The following EOGT variants were observed in gnomAD, a reference collection of about 807,000 sequenced individuals.
The protein encoded by EOGT is EGF domain-specific O-linked N-acetylglucosamine transferase.
In EOGT, 55 loss-of-function variants were observed where a neutral mutation model predicts 70.5. The observed-to-expected ratio is 0.78, with a 90% CI of 0.63 to 0.98. The LOEUF is 0.98. Among genes scored for constraint, EOGT ranks in the 50% least tolerant of loss-of-function variants. EOGT has a pLI of 0.00. For missense variants in EOGT, 703 were observed against 641.9 expected, an observed-to-expected ratio of 1.10 and a Z score of -1.03; for synonymous variants, 246 against 217.1, an observed-to-expected ratio of 1.13 and a Z score of -1.17.
intron 14 of EOGT, among the ~76,000 whole-genome samples, chr3:68,986,021 A>C (rs1391171681): frequency 2.6e-5 from 4 of 152,156 alleles, no homozygotes; most frequent in Non-Finnish European, 5.9e-5. Context: ...CGAAGCCAGC[A>C]ACATGGCATC....
intron 8 of EOGT, 67 bp from the exon 9 acceptor site, chr3:69,001,781 CTT>C: frequency 9.1e-7 from 1 of 1,095,614 alleles, no homozygotes; most frequent in Non-Finnish European, 1.4e-6. Context: ...AACACTGTAA[CTT>C]AGGATCTGTT....
At chr3:68,997,600 C>A (rs1185825455) in intron 10 of EOGT, among the ~76,000 whole-genome samples, 1 of 152,110 alleles carries the variant, frequency 6.6e-6, no homozygotes, top group East Asian at 1.9e-4. Context: ...AACTCCTGGC[C>A]TCAAATGATC....
chr3:68,998,870 A>ACAG (rs2091226706), intron 9 of EOGT, among the ~76,000 whole-genome samples: 3 of 148,264 alleles, frequency 2.0e-5, no homozygotes, highest in Non-Finnish European at 3.0e-5. Context: ...AAAAAAATCA[A>ACAG]TTAAGAAACA....
Position 68,978,434 on chromosome 3 carries a change from A to G in EOGT, c.1336T>C (p.Tyr446His). The change falls in exon 17 of 18, where the codon TAC becomes CAC. Residue 446 changes from tyrosine to histidine, a missense_variant and splice_region_variant. Tyr to His is a moderately conservative substitution (Grantham distance 83, BLOSUM62 2). Coordinates refer to ENST00000383701, the MANE Select transcript of EOGT (RefSeq NM_001278689.2). ...TAACAGCGTTCATCTTCACAGTTGTACCTAAGGACACAAGGGTGTCACAAC... is the reference window on the plus strand; with the variant it reads ...TAACAGCGTTCATCTTCACAGTTGTGCCTAAGGACACAAGGGTGTCACAAC... Reference protein sequence around the residue: ...LPDWAAVFELYNCEDERCYLD... With the variant: ...LPDWAAVFELHNCEDERCYLD... 1.3e-6 allele frequency: 2 copies of G among 1,597,804 alleles called. No homozygotes were observed. Among genetic ancestry groups the G allele is most frequent in the African/African-American group, 1.3e-5 (1 of 74,088 alleles).
chr3:68,991,239 T>A (rs1171573312), intron 10 of EOGT, among the ~76,000 whole-genome samples: 1 of 152,236 alleles, frequency 6.6e-6, no homozygotes, highest in Non-Finnish European at 1.5e-5. Context: ...CTTCTTCCTA[T>A]ACTCATGTTG....
At chr3:68,987,352 C>T (rs1230389793) in intron 14 of EOGT, 93 bp downstream of exon 14, 1 of 957,970 alleles carries the variant, frequency 1.0e-6, no homozygotes. Flanking sequence ...AAGTTTTAAA[C>T]CAAAGCTTTT....
intron 8 of EOGT, among the ~76,000 whole-genome samples, chr3:69,003,233 A>G (rs1331252434): frequency 7.9e-5 from 12 of 152,146 alleles, no homozygotes; most frequent in Non-Finnish European, 4.4e-5. Flanking sequence ...CATGGTTGTG[A>G]TCATTGTGCC....
chr3:68,993,825 G>A (rs763960169), intron 10 of EOGT, among the ~76,000 whole-genome samples: 7 of 152,108 alleles, frequency 4.6e-5, no homozygotes, highest in Non-Finnish European at 1.0e-4. Flanking sequence ...TGGCAGCAAG[G>A]GAAAATGAGG....
At chr3:68,998,312 C>T (rs1356452767) in intron 9 of EOGT, among the ~76,000 whole-genome samples, 198 bp from the exon 10 acceptor site, 1 of 152,088 alleles carries the variant, frequency 6.6e-6, no homozygotes, top group African/African-American at 2.4e-5. Flanking sequence ...GCCTGGGTTT[C>T]AAAAGTCACT....
rs779261971 is a variant in EOGT, at chr3:69,005,220, C to A, written c.435G>T (p.Leu145=). Residue 145 remains leucine (L), a synonymous_variant, in exon 7 of 18, where the codon CTG becomes CTT. Coordinates refer to ENST00000383701, the MANE Select transcript of EOGT (RefSeq NM_001278689.2). ...AGTACTGAAGATAACGGGAACACAC[C>A]AGACTTGAGTCACTCTGAAGGTTGA... ...CQPKETSDSS[L]VCSRYLQYCR... The A allele has an allele frequency of 1.5e-5, 24 of 1,594,266 alleles. No homozygotes were observed. Among genetic ancestry groups the A allele is most frequent in the Middle Eastern group, 1.7e-4 (1 of 6,012 alleles).
intron 10 of EOGT, among the ~76,000 whole-genome samples, chr3:68,991,348 A>T (rs1176487089): frequency 6.6e-6 from 1 of 152,264 alleles, no homozygotes; most frequent in Non-Finnish European, 1.5e-5. Context: ...TTCCAATTAT[A>T]GGAATCTGTC....
At chr3:69,008,075 ATTC>A (rs2091484570) in intron 5 of EOGT, among the ~76,000 whole-genome samples, 1 of 152,230 alleles carries the variant, frequency 6.6e-6, no homozygotes. Flanking sequence ...CCAATGATGC[ATTC>A]TTAATTACTA....
At chr3:69,008,152 G>A (rs1337463862) in intron 5 of EOGT, among the ~76,000 whole-genome samples, 4 of 152,084 alleles carry the variant, frequency 2.6e-5, no homozygotes, top group Non-Finnish European at 5.9e-5. Flanking sequence ...ATTCTCCCAG[G>A]AAGAATCAAG....
chr3:68,995,853 C>T (rs966568033), intron 10 of EOGT, among the ~76,000 whole-genome samples: 2 of 152,286 alleles, frequency 1.3e-5, no homozygotes, highest in Middle Eastern at 3.4e-3. Flanking sequence ...TCGCTGACAG[C>T]ATTATCTTAG....
intron 4 of EOGT, among the ~76,000 whole-genome samples, 183 bp from the exon 5 acceptor site, chr3:69,008,711 C>T (rs950144458): frequency 2.6e-5 from 4 of 152,196 alleles, no homozygotes; most frequent in African/African-American, 9.6e-5. Flanking sequence ...AGGTTCTTAA[C>T]AATCCTCCTT....
chr3:69,005,689 G>A (rs934227589), intron 6 of EOGT, among the ~76,000 whole-genome samples: 39 of 152,184 alleles, frequency 2.6e-4, no homozygotes, highest in African/African-American at 9.4e-4. Flanking sequence ...GGTGCTTTCT[G>A]CAAACCGTAA....
intron 14 of EOGT, among the ~76,000 whole-genome samples, chr3:68,983,557 G>A (rs193106301): frequency 6.6e-6 from 1 of 152,244 alleles, no homozygotes; most frequent in South Asian, 2.1e-4. Context: ...CTTGTGGCAT[G>A]CACTGCACTG....
At chr3:68,996,355 T>G (rs970583630) in intron 10 of EOGT, among the ~76,000 whole-genome samples, 3 of 152,212 alleles carry the variant, frequency 2.0e-5, no homozygotes, top group Admixed American at 2.0e-4. Flanking sequence ...TCCTTCTGCA[T>G]GAGAATTTGA....
chr3:68,977,852 G>T, intron 17 of EOGT, 88 bp from the exon 18 acceptor site: 1 of 1,358,594 alleles, frequency 7.4e-7, no homozygotes, highest in Non-Finnish European at 9.9e-7. Flanking sequence ...TTTGGTTAAG[G>T]CAACTAATTT....
Sources: allele counts gnomAD v4.1 joint callset (sites outside exome capture counted in the v4.1 genomes callset), GRCh38; gene constraint gnomAD v4.1.1; transcripts MANE v1.5; gene names NCBI Gene and HGNC (gene_info 2026-07-23, HGNC 2026-07-21).